Variants in LDLRAP1 observed in about 807,000 individuals in gnomAD.
The protein encoded by LDLRAP1 is low density lipoprotein receptor adapter protein 1.
LDLRAP1 carries 30 observed loss-of-function variants against 37.8 expected under a neutral mutation model. The ratio of observed to expected loss-of-function variants is 0.79; its 90% CI spans 0.59 to 1.08. LDLRAP1 has a LOEUF of 1.08. LDLRAP1 is among the 50% of genes least tolerant of loss of function. LDLRAP1 has a pLI of 0.00. For missense variants in LDLRAP1, 375 were observed against 401.6 expected, an observed-to-expected ratio of 0.93 and a Z score of 0.57; for synonymous variants, 156 against 169.8, an observed-to-expected ratio of 0.92 and a Z score of 0.63.
At chr1:25,560,724 C>T (rs990112005) in intron 4 of LDLRAP1, among the ~76,000 whole-genome samples, 2 of 152,224 alleles carry the variant, frequency 1.3e-5, no homozygotes, top group African/African-American at 4.8e-5. Context: ...GAGCCATGAG[C>T]AGCCTGGTTC....
chr1:25,554,123 A>G lies in LDLRAP1; in HGVS notation c.231+59A>G. The G allele has an allele frequency of 6.2e-7, 1 of 1,602,684 alleles. No homozygotes were observed. The highest frequency in any genetic ancestry group is 8.5e-7 in the Non-Finnish European group (1 of 1,175,658). ...AGGGACCAAGGACCAGCTTCTTCCCAGGGTGCCCTCGTCCCAGCTTGTTAC... is the reference window on the plus strand; with the variant it reads ...AGGGACCAAGGACCAGCTTCTTCCCGGGGTGCCCTCGTCCCAGCTTGTTAC... On this transcript the variant is annotated intron_variant, in intron 2 of 8. Coordinates refer to ENST00000374338, the MANE Select transcript of LDLRAP1 (RefSeq NM_015627.3). The surrounding 1 kb of genome is among the most constrained non-coding windows in gnomAD (Gnocchi z 5.4).
Position 25,557,249 on chromosome 1 carries a change from C to A in LDLRAP1, c.441C>A (p.Leu147=). The change falls in exon 4 of 9, where the codon CTC becomes CTA. Residue 147 remains leucine (L), a synonymous_variant. Coordinates refer to ENST00000374338, the MANE Select transcript of LDLRAP1 (RefSeq NM_015627.3). The part of the protein sequence containing the change: ...HNQSLECHAF[L]CTKRKMAQAV... Reference sequence around the variant, plus strand: ...AGAGCCTCGAGTGCCACGCCTTCCTCTGCACCAAGCGGAAGATGGTCAGCG... The same window carrying A: ...AGAGCCTCGAGTGCCACGCCTTCCTATGCACCAAGCGGAAGATGGTCAGCG... 1 of 1,613,832 alleles carries A rather than the reference C, an allele frequency of 6.2e-7. No homozygotes were observed. Among genetic ancestry groups the A allele is most frequent in the Non-Finnish European group, 8.5e-7 (1 of 1,179,740 alleles).
chr1:25,582,316 G>A, the LDLRAP1 span, among the ~76,000 whole-genome samples: 1 of 152,204 alleles, frequency 6.6e-6, no homozygotes, highest in African/African-American at 2.4e-5. Context: ...TCTGGGCGTG[G>A]TGGCTCACGC....
chr1:25,561,276 A>C (rs999518023), intron 4 of LDLRAP1, among the ~76,000 whole-genome samples: 1 of 152,228 alleles, frequency 6.6e-6, no homozygotes, highest in Non-Finnish European at 1.5e-5. Flanking sequence ...AGCTGCGAAG[A>C]GTTTCATACT....
chr1:25,582,454 A>G, the LDLRAP1 span, among the ~76,000 whole-genome samples: 209 of 150,366 alleles, frequency 1.4e-3, no homozygotes, highest in South Asian at 0.011. Context: ...GCATGGTGGC[A>G]TGCACCTGTA....
chr1:25,563,634 C>T (rs766377176), intron 6 of LDLRAP1, 27 bp from the exon 7 acceptor site: 2 of 1,612,546 alleles, frequency 1.2e-6, no homozygotes, highest in Non-Finnish European at 1.7e-6. Flanking sequence ...TGATCTCCCA[C>T]TGACAACCTG....
At chr1:25,573,585 C>T (rs1418242457), downstream of LDLRAP1, among the ~76,000 whole-genome samples, 3 of 152,186 alleles carry the variant, frequency 2.0e-5, no homozygotes, top group Non-Finnish European at 4.4e-5. Flanking sequence ...CCCTGGCACC[C>T]CACCACCCCA....
chr1:25,562,871 CTGAA>C, intron 5 of LDLRAP1, 155 bp downstream of exon 5: 1 of 823,704 alleles, frequency 1.2e-6, no homozygotes, highest in Non-Finnish European at 2.1e-6. Context: ...GTTTTCCCAT[CTGAA>C]AAATGGGAAC....
downstream of LDLRAP1, among the ~76,000 whole-genome samples, chr1:25,569,979 T>C (rs2044581256): frequency 6.6e-6 from 1 of 152,202 alleles, no homozygotes. Flanking sequence ...GAAAGGCCAC[T>C]CTCTTCAGGT....
At chr1:25,553,804 G>T in intron 1 of LDLRAP1, 118 bp from the exon 2 acceptor site, 1 of 1,139,994 alleles carries the variant, frequency 8.8e-7, no homozygotes, top group Non-Finnish European at 1.3e-6. Flanking sequence ...GGCAGTAGTG[G>T]TGGGGGAGAC....
downstream of LDLRAP1, among the ~76,000 whole-genome samples, chr1:25,572,843 C>T (rs781125901): frequency 7.2e-5 from 11 of 152,176 alleles, no homozygotes; most frequent in Non-Finnish European, 1.5e-4. Context: ...AGCTCATCAT[C>T]CGTCTCTCCA....
rs1209284109 is a variant in LDLRAP1 at position 25,554,686 on chromosome 1, G to C, written c.232-174G>C. Among the ~76,000 whole-genome samples the C allele has an allele frequency of 1.3e-5, 2 of 152,256 alleles. No individual in the cohort carries two copies. Among genetic ancestry groups the C allele is most frequent in the African/African-American group, 4.8e-5 (2 of 41,462 alleles). On this transcript the variant is annotated intron_variant, in intron 2 of 8. Coordinates refer to ENST00000374338, the MANE Select transcript of LDLRAP1 (RefSeq NM_015627.3). This position sits in a 1 kb window ranked among gnomAD's most constrained non-coding sequence, Gnocchi z 5.4. ...AGATAGCTGGTGCTCAGCAGATGCT[G>C]CTCCTGTTTCTATTGCAAGAAGGTG...
chr1:25,562,502 C>T, intron 4 of LDLRAP1, 142 bp from the exon 5 acceptor site: 1 of 713,346 alleles, frequency 1.4e-6, no homozygotes, highest in Non-Finnish European at 2.5e-6. Flanking sequence ...GCCCAGCAGG[C>T]ATTCCAGAGC....
At chr1:25,564,159 CAGTCACCAGCTTGGTCCCTG>C in intron 7 of LDLRAP1, 1 of 353,856 alleles carries the variant, frequency 2.8e-6, no homozygotes, top group Non-Finnish European at 5.5e-6. Context: ...GAGACTTGGG[CAGTCACCAGCTTGGTCCCTG>C]ACTCCCTCAG....
chr1:25,577,558 C>T, the LDLRAP1 span, among the ~76,000 whole-genome samples: 4 of 152,102 alleles, frequency 2.6e-5, no homozygotes, highest in African/African-American at 7.2e-5. Context: ...GCCTGGTGTG[C>T]GGTTAGGAAG....
In LDLRAP1 at chr1:25,562,683, G is replaced by A; in HGVS notation, c.499G>A (p.Val167Ile). ...VTLTVAQAFK[V>I]AFEFWQVSKE... is the part of the protein sequence containing the mutation. ...CCTCACCGTAGCCCAGGCCTTCAAA[G>A]TCGCCTTTGAGTTTTGGCAGGTGTC... The change falls in exon 5 of 9, where the codon GTC (valine) becomes ATC (isoleucine). Residue 167 changes from valine (V) to isoleucine (I), a missense_variant. Transcript: ENST00000374338. The A allele has an allele frequency of 2.5e-6, 4 of 1,614,208 alleles. No homozygotes were observed. Among genetic ancestry groups the A allele is most frequent in the Non-Finnish European group, 2.5e-6 (3 of 1,180,024 alleles).
intron 8 of LDLRAP1, among the ~76,000 whole-genome samples, chr1:25,565,628 G>A (rs1324253471): frequency 2.0e-5 from 3 of 152,050 alleles, no homozygotes; most frequent in South Asian, 2.1e-4. Context: ...AATGAAGCTC[G>A]TGAAGCGTTC....
chr1:25,563,189 G>A (rs1200484260), intron 6 of LDLRAP1, 36 bp downstream of exon 6: 2 of 1,588,240 alleles, frequency 1.3e-6, no homozygotes, highest in East Asian at 2.2e-5. Flanking sequence ...TGGCCATGCG[G>A]TGTTGGGGTT....
chr1:25,583,459 C>T, the LDLRAP1 span, among the ~76,000 whole-genome samples: 1 of 152,158 alleles, frequency 6.6e-6, no homozygotes, highest in Non-Finnish European at 1.5e-5. Flanking sequence ...TCCCAAAGTG[C>T]TGGGATTATA....
Sources: gnomAD v4.1 joint callset for allele counts (sites outside exome capture counted in the v4.1 genomes callset) on GRCh38, gnomAD v4.1.1 for gene constraint, Gnocchi (gnomAD v3.1) non-coding constraint, MANE v1.5 for transcripts, NCBI Gene and HGNC (gene_info 2026-07-23, HGNC 2026-07-21) for gene names.